GAK: variants seen among roughly 807,000 people sequenced by gnomAD.
The protein encoded by GAK is cyclin-G-associated kinase.
Under a neutral mutation model 143.9 loss-of-function variants are expected in GAK, and 79 were observed. The observed-to-expected ratio is 0.55, with a 90% CI of 0.46 to 0.66. The LOEUF (loss-of-function observed/expected upper bound fraction) is 0.66, where lower values mean the gene tolerates loss of function less well. Among genes scored for constraint, GAK ranks in the 30% least tolerant of loss-of-function variants. GAK has a pLI of 0.00. For synonymous variants in GAK, 881 were observed against 765.5 expected (o/e 1.15, Z -2.49); for missense variants, 1,693 against 1,779.7 (o/e 0.95, Z 0.88).
Position 866,475 on chromosome 4 carries a change from G to C in GAK, c.2932C>G (p.Pro978Ala), listed in dbSNP as rs1321853400. ...TTGAGAAATTCGCCGAAGAGATCAGGATTGGAGCAGGGCTGGGAGTTGTTG... is the reference window on the plus strand; with the variant it reads ...TTGAGAAATTCGCCGAAGAGATCAGCATTGGAGCAGGGCTGGGAGTTGTTG... Reference protein sequence around the residue: ...SGNNSQPCSNPDLFGEFLNSD... With the variant: ...SGNNSQPCSNADLFGEFLNSD... Residue 978 changes from proline to alanine, a missense_variant, in exon 22 of 28, where the codon CCT becomes GCT. This residue lies in a region of GAK where 822 missense variants were observed against 788.7 expected (regional missense o/e 1.04). Transcript: ENST00000314167. 1.9e-6 allele frequency: 3 copies of C among 1,614,154 alleles called. No homozygotes were observed. The highest frequency in any genetic ancestry group is 8.5e-7 in the Non-Finnish European group (1 of 1,179,988).
At chr4:930,238 C>T (rs1408365998) in intron 1 of GAK, among the ~76,000 whole-genome samples, 1 of 152,160 alleles carries the variant, frequency 6.6e-6, no homozygotes, top group Non-Finnish European at 1.5e-5. Context: ...AAAGAGGCTT[C>T]AAAGTACTTA....
chr4:888,748 T>G, intron 11 of GAK, 99 bp downstream of exon 11: 1 of 1,458,930 alleles, frequency 6.9e-7, no homozygotes, highest in Non-Finnish European at 9.2e-7. Context: ...CTGTGGGGCC[T>G]GATGACCAGC....
At chr4:866,229 C>G in intron 22 of GAK, 135 bp downstream of exon 22, 1 of 843,670 alleles carries the variant, frequency 1.2e-6, no homozygotes, top group Non-Finnish European at 1.8e-6. Context: ...ATGCTTGGGC[C>G]GCAAGGAGCG....
intron 18 of GAK, chr4:872,883 T>A (rs1258706305): frequency 6.4e-6 from 1 of 156,830 alleles, no homozygotes; most frequent in African/African-American, 2.4e-5. Flanking sequence ...CAGGCTCAGC[T>A]GTTACATCTG....
intron 13 of GAK, 112 bp from the exon 14 acceptor site, chr4:882,931 T>C (rs932034036): frequency 7.2e-7 from 1 of 1,380,350 alleles, no homozygotes; most frequent in Admixed American, 2.1e-5. Flanking sequence ...GCTGGTGTCA[T>C]GAACAGGCGT....
intron 19 of GAK, chr4:869,001 C>T (rs991496151): frequency 2.6e-5 from 9 of 347,118 alleles, no homozygotes; most frequent in East Asian, 6.2e-5. Flanking sequence ...CACAGCTGCA[C>T]GGTACACACG....
At chr4:872,381 G>A (rs751091) in intron 18 of GAK, 5,563 of 152,362 alleles carry the variant, frequency 0.037, 191 homozygotes, top group East Asian at 0.19. Context: ...TTCCCCCTGC[G>A]CCCGAGCCTC....
intron 1 of GAK, chr4:915,557 C>G (rs1459711133): frequency 6.6e-6 from 1 of 152,156 alleles, no homozygotes; most frequent in African/African-American, 2.4e-5. Flanking sequence ...CCAAGCCCAC[C>G]AAGACATCAG....
chr4:874,218 G>T (rs1713342558), intron 18 of GAK, among the ~76,000 whole-genome samples: 1 of 152,152 alleles, frequency 6.6e-6, no homozygotes, highest in Non-Finnish European at 1.5e-5. Flanking sequence ...TGGTGCTCCT[G>T]CTGTCAGATA....
intron 1 of GAK, among the ~76,000 whole-genome samples, chr4:926,510 G>A (rs1032620275): frequency 1.3e-5 from 2 of 152,188 alleles, no homozygotes; most frequent in African/African-American, 4.8e-5. Context: ...CTGCGAGATG[G>A]AAGTAATTAT....
At chr4:877,872 T>C in intron 15 of GAK, 63 bp from the exon 16 acceptor site, 1 of 1,440,146 alleles carries the variant, frequency 6.9e-7, no homozygotes, top group Non-Finnish European at 9.3e-7. Flanking sequence ...ACAGCTGATT[T>C]TGTCTTTCGA....
chr4:885,561 G>A (rs910726699), intron 11 of GAK, among the ~76,000 whole-genome samples: 10 of 152,192 alleles, frequency 6.6e-5, no homozygotes, highest in Admixed American at 1.3e-4. Context: ...CCTCAGGCAC[G>A]TGTACCACAG....
intron 20 of GAK, among the ~76,000 whole-genome samples, chr4:868,253 C>G (rs541576274): frequency 3.9e-5 from 6 of 152,158 alleles, no homozygotes; most frequent in African/African-American, 1.2e-4. Flanking sequence ...CCAGCATGGC[C>G]CATGCTGCCA....
Position 870,858 on chromosome 4 carries a change from A to G in GAK, c.2101T>C (p.Phe701Leu), listed in dbSNP as rs1201644336. ...CDIQEKYPDL[F>L]QVNLEVEVEP... ...ACCTCCACTTCCAGGTTCACTTGAA[A>G]TAAATCCGGGTATTTTTCTTGAATG... The change falls in exon 19 of 28, where the codon TTT becomes CTT. Residue 701 changes from phenylalanine (F) to leucine (L), a missense_variant. Transcript: ENST00000314167. 6.2e-7 allele frequency: 1 copy of G among 1,613,958 alleles called. No homozygotes were observed. Among genetic ancestry groups the G allele is most frequent in the Non-Finnish European group, 8.5e-7 (1 of 1,179,954 alleles).
intron 11 of GAK, 112 bp from the exon 12 acceptor site, chr4:884,198 A>T: frequency 2.3e-6 from 2 of 870,170 alleles, no homozygotes; most frequent in Non-Finnish European, 3.7e-6. Flanking sequence ...CTCACTGTAG[A>T]GGCCGCATCC....
At chr4:912,070 G>A (rs746594677) in intron 3 of GAK, 28 of 476,228 alleles carry the variant, frequency 5.9e-5, no homozygotes, top group East Asian at 1.2e-4. Flanking sequence ...CGCGTGGCAG[G>A]AGGAGGCAGG....
In GAK at chr4:849,680, A is replaced by C; in HGVS notation, c.3929T>G (p.Leu1310Arg). Residue 1310 changes from leucine to arginine, a missense_variant, in exon 28 of 28, where the codon CTC (leucine) becomes CGC (arginine). By Grantham distance (102) the Leu-to-Arg change is moderately radical (BLOSUM62 -2). Coordinates refer to ENST00000314167, the MANE Select transcript of GAK (RefSeq NM_005255.4). ...GCCACCACCACTGCGGCCTCAGAAGAGGGGCCGGGAGCCCTGGTTCTCAAA... is the reference window on the plus strand; with the variant it reads ...GCCACCACCACTGCGGCCTCAGAAGCGGGGCCGGGAGCCCTGGTTCTCAAA... ...SEFENQGSRP[L>R]F 1 of 1,611,154 alleles carries C rather than the reference A, an allele frequency of 6.2e-7. No homozygotes were observed. The highest frequency in any genetic ancestry group is 8.5e-7 in the Non-Finnish European group (1 of 1,178,142).
chr4:866,910 A>C, intron 21 of GAK, 46 bp downstream of exon 21: 1 of 1,324,398 alleles, frequency 7.6e-7, no homozygotes, highest in South Asian at 1.5e-5. Context: ...CAGCCTCATC[A>C]CTCATCTACT....
At position 866,350 on chromosome 4, in the gene GAK, CGA is replaced by C. The variant is rs1751161712; in HGVS notation, c.3043+12_3043+13del. ...CGGCCATGGAGAGCTGGCTGCCAGG[CGA>C]GAGGCACTTACCCAGGTGCAGGAAG... On this transcript the variant is annotated intron_variant, in intron 22 of 27. Transcript: ENST00000314167. The C allele has an allele frequency of 6.2e-7, 1 of 1,612,352 alleles. No individual in the cohort carries two copies. The highest frequency in any genetic ancestry group is 1.7e-5 in the Admixed American group (1 of 59,956).
Sources: allele counts gnomAD v4.1 joint callset (sites outside exome capture counted in the v4.1 genomes callset), GRCh38; gene constraint gnomAD v4.1.1; regional missense constraint gnomAD v4.1.1; transcripts MANE v1.5; gene names NCBI Gene and HGNC (gene_info 2026-07-23, HGNC 2026-07-21).